Variants in WDR62 observed in about 807,000 individuals in gnomAD.
The protein encoded by WDR62 is WD repeat-containing protein 62.
In WDR62, 112 loss-of-function variants were observed where a neutral mutation model predicts 160.6. That is an observed-to-expected ratio of 0.70 (90% CI 0.60 to 0.82). The LOEUF (loss-of-function observed/expected upper bound fraction) is 0.82, where lower values mean the gene tolerates loss of function less well. Ranked by LOEUF, WDR62 falls within the 40% of genes least tolerant of loss-of-function variation. The pLI is 0.00. For missense variants in WDR62, 1,819 were observed against 1,983.8 expected, an observed-to-expected ratio of 0.92 and a Z score of 1.58; for synonymous variants, 792 against 815.1, an observed-to-expected ratio of 0.97 and a Z score of 0.48.
chr19:36,095,224 T>A (rs1344530758), intron 20 of WDR62, among the ~76,000 whole-genome samples: 2 of 152,200 alleles, frequency 1.3e-5, no homozygotes, highest in African/African-American at 4.8e-5. Context: ...TCTGCTTTTC[T>A]TCATGTTGGC....
intron 7 of WDR62, among the ~76,000 whole-genome samples, chr19:36,069,763 C>T (rs1019379438): frequency 1.5e-4 from 23 of 152,360 alleles, no homozygotes; most frequent in Admixed American, 1.1e-3. Context: ...CCGAGGCTGG[C>T]GGACCACTCG....
intron 9 of WDR62, among the ~76,000 whole-genome samples, chr19:36,077,344 G>A (rs534093081): frequency 7.6e-6 from 1 of 132,204 alleles, no homozygotes; most frequent in Admixed American, 8.6e-5. Context: ...GCAGTGGCAC[G>A]ATCTCGGCTC....
At chr19:36,074,966 C>A (rs1022155860) in intron 9 of WDR62, 3 of 152,062 alleles carry the variant, frequency 2.0e-5, no homozygotes, top group African/African-American at 7.2e-5. Context: ...TGTTCAACAA[C>A]AGTATCTGTG....
At chr19:36,066,470 A>G (rs1568329241) in intron 5 of WDR62, 43 bp downstream of exon 5, 2 of 1,558,916 alleles carry the variant, frequency 1.3e-6, no homozygotes, top group African/African-American at 1.4e-5. Context: ...GCCAGCTGCC[A>G]CAGCATCCTA....
the WDR62 span, among the ~76,000 whole-genome samples, chr19:36,110,323 T>C: frequency 6.6e-6 from 1 of 151,608 alleles, no homozygotes; most frequent in Non-Finnish European, 1.5e-5. Flanking sequence ...ATACAAAAAT[T>C]AGCCCGGTGT....
At chr19:36,071,487 C>G in intron 7 of WDR62, 69 bp from the exon 8 acceptor site, 1 of 1,593,718 alleles carries the variant, frequency 6.3e-7, no homozygotes, top group South Asian at 1.1e-5. Flanking sequence ...GCTGCTCTGT[C>G]AGTCCCCATA....
chr19:36,093,809 T>C (rs891563175), intron 19 of WDR62, among the ~76,000 whole-genome samples: 1 of 152,156 alleles, frequency 6.6e-6, no homozygotes, highest in African/African-American at 2.4e-5. Context: ...GCCCTGAGAG[T>C]TTGCATTCGT....
intron 9 of WDR62, among the ~76,000 whole-genome samples, chr19:36,078,790 C>G (rs1268526030): frequency 7.0e-6 from 1 of 143,556 alleles, no homozygotes; most frequent in African/African-American, 2.7e-5. Flanking sequence ...GAGCCAAGAT[C>G]GTGCCATTGC....
intron 2 of WDR62, among the ~76,000 whole-genome samples, chr19:36,059,236 G>T (rs1970520923): frequency 6.6e-6 from 1 of 152,122 alleles, no homozygotes; most frequent in Non-Finnish European, 1.5e-5. Context: ...CAGAGCTGGT[G>T]ACCCCCTCTG....
intron 13 of WDR62, among the ~76,000 whole-genome samples, chr19:36,088,384 T>C (rs925609165): frequency 6.6e-6 from 1 of 152,212 alleles, no homozygotes; most frequent in Non-Finnish European, 1.5e-5. Flanking sequence ...TCCAAGGGCT[T>C]CACATCACTC....
chr19:36,078,932 A>G (rs1339318382), intron 9 of WDR62, among the ~76,000 whole-genome samples: 2 of 148,986 alleles, frequency 1.3e-5, no homozygotes, highest in Non-Finnish European at 3.0e-5. Flanking sequence ...TTTAAGAGTA[A>G]CTATTGGATT....
chr19:36,064,986 G>C (rs532090388), intron 3 of WDR62, among the ~76,000 whole-genome samples: 12 of 152,318 alleles, frequency 7.9e-5, no homozygotes, highest in African/African-American at 2.9e-4. Context: ...TATTTCAGGA[G>C]GGGAACTGGT....
rs190035201 is a variant in WDR62 at position 36,102,472 on chromosome 19, G to A, written c.3221-265G>A. 1.5e-3 allele frequency: 863 copies of A among 586,104 alleles called. 8 individuals carry two copies. The East Asian group carries it at 0.024, about 17-fold the overall frequency. The allele number at this position is 586,104 out of a possible 1,614,324, so 36.3% of individuals were successfully genotyped here. ...AGATGAGGTTTCACCATGTTGGCCA[G>A]ACTGGTCTCAAACTCCTGCCTCAGA... On this transcript the variant is annotated intron_variant, in intron 26 of 31. Transcript: ENST00000401500.
chr19:36,094,908 A>G (rs899468760), intron 20 of WDR62, among the ~76,000 whole-genome samples: 9 of 152,028 alleles, frequency 5.9e-5, no homozygotes, highest in East Asian at 1.9e-4. Flanking sequence ...GTGCACACCT[A>G]TAGTCCCAGC....
rs578254810 is a variant in WDR62 at position 36,091,187 on chromosome 19, C to T, written c.2035-13C>T. On this transcript the variant is annotated splice_polypyrimidine_tract_variant and intron_variant, in intron 16 of 31. Coordinates refer to ENST00000401500, the MANE Select transcript of WDR62 (RefSeq NM_001083961.2). ...AGGCAGCTGGAGTGACATGTGGGTC[C>T]CTTTCCTGGCAGGTCCATGTGGACC... The T allele has an allele frequency of 1.9e-6, 3 of 1,610,468 alleles. No homozygotes were observed. In the East Asian group the frequency reaches 6.7e-5, roughly 36 times the overall value.
Position 36,083,267 on chromosome 19 carries a change from T to C in WDR62, c.1550+26T>C, listed in dbSNP as rs964847465. On this transcript the variant is annotated intron_variant, in intron 11 of 31. Coordinates refer to ENST00000401500, the MANE Select transcript of WDR62 (RefSeq NM_001083961.2). ...GCAAGTGGGCCCTGGCAGTGTCCAG[T>C]GTACACCTCCCAGCTCCAGCTCAGG... is the stretch of plus-strand genomic sequence containing the variant. 1.0e-5 allele frequency: 16 copies of C among 1,574,412 alleles called. No individual in the cohort carries two copies. The African/African-American group carries it at 1.2e-4, about 12-fold the overall frequency.
intron 3 of WDR62, chr19:36,060,269 C>T (rs144713939): frequency 1.3e-4 from 77 of 574,382 alleles, no homozygotes; most frequent in African/African-American, 1.0e-3. Flanking sequence ...CAGCAAATTA[C>T]GGGCTGATCA....
At chr19:36,069,378 C>T (rs2145606224) in intron 7 of WDR62, among the ~76,000 whole-genome samples, 1 of 151,756 alleles carries the variant, frequency 6.6e-6, no homozygotes, top group East Asian at 2.0e-4. Flanking sequence ...AGAGGCGCTC[C>T]TCACATCCCA....
rs149320996 is a variant in WDR62 at position 36,081,833 on chromosome 19, C to T, written c.1371+263C>T. 228 of 602,986 alleles carry T rather than the reference C, an allele frequency of 3.8e-4. 1 individual carries two copies. The highest frequency in any genetic ancestry group is 3.2e-3 in the African/African-American group (175 of 55,192). The allele number at this position is 602,986 out of a possible 1,614,324, so 37.4% of individuals were successfully genotyped here. ...GCAGATGTGTGGACGTGGCCACTCCCGGCAGCCCAACACACCCAGCCCAGG... is the reference window on the plus strand; with the variant it reads ...GCAGATGTGTGGACGTGGCCACTCCTGGCAGCCCAACACACCCAGCCCAGG... On this transcript the variant is annotated intron_variant, in intron 10 of 31. Coordinates refer to ENST00000401500, the MANE Select transcript of WDR62 (RefSeq NM_001083961.2).
Sources: gnomAD v4.1 joint callset for allele counts (sites outside exome capture counted in the v4.1 genomes callset) on GRCh38, gnomAD v4.1.1 for gene constraint, MANE v1.5 for transcripts, NCBI Gene and HGNC (gene_info 2026-07-23, HGNC 2026-07-21) for gene names.